The following NPIPB2 variants were observed in gnomAD, a reference collection of about 807,000 sequenced individuals.
The protein encoded by NPIPB2 is nuclear pore complex-interacting protein family member B2.
NPIPB2 carries 27 observed loss-of-function variants against 30.8 expected under a neutral mutation model. That is an observed-to-expected ratio of 0.88 (90% CI 0.65 to 1.21). The LOEUF (loss-of-function observed/expected upper bound fraction) is 1.21, where lower values mean the gene tolerates loss of function less well. Ranked by LOEUF, NPIPB2 falls within the 50% of genes most tolerant of loss-of-function variation. The pLI, the probability that NPIPB2 is intolerant of heterozygous loss-of-function variation, is 0.00. For missense variants in NPIPB2, 440 were observed against 446.2 expected, an observed-to-expected ratio of 0.99 and a Z score of 0.13; for synonymous variants, 147 against 162.0, an observed-to-expected ratio of 0.91 and a Z score of 0.70.
chr16:11,972,272 T>G (rs911247833), intron 1 of NPIPB2, among the ~76,000 whole-genome samples: 1 of 152,188 alleles, frequency 6.6e-6, no homozygotes, highest in Non-Finnish European at 1.5e-5. Flanking sequence ...TGTAAATGTT[T>G]CCTACTAAGG....
chr16:11,962,156 C>T (rs992507688), intron 1 of NPIPB2, among the ~76,000 whole-genome samples: 1 of 147,728 alleles, frequency 6.8e-6, no homozygotes, highest in African/African-American at 2.5e-5. Flanking sequence ...CCTGATGGTG[C>T]CACTGCACTC....
chr16:11,967,242 T>C (rs1339564682), intron 1 of NPIPB2: 3 of 256,524 alleles, frequency 1.2e-5, no homozygotes, highest in Non-Finnish European at 1.5e-5. Flanking sequence ...CCACAAGTGA[T>C]CTGCCCGCCT....
chr16:11,935,675 TA>T (rs879583012), intron 2 of NPIPB2, among the ~76,000 whole-genome samples: 5 of 148,812 alleles, frequency 3.4e-5, no homozygotes, highest in Admixed American at 6.7e-5. Context: ...GCACATAGGA[TA>T]AAAAAAAATC....
At chr16:11,965,773 C>T (rs1387950801) in intron 1 of NPIPB2, among the ~76,000 whole-genome samples, 4 of 152,024 alleles carry the variant, frequency 2.6e-5, no homozygotes, top group Non-Finnish European at 5.9e-5. Context: ...GATTATTTTG[C>T]TATCAAAACA....
chr16:11,975,665 A>T (rs1441401450), intron 1 of NPIPB2, among the ~76,000 whole-genome samples: 1 of 151,336 alleles, frequency 6.6e-6, no homozygotes, highest in East Asian at 2.0e-4. Context: ...ATCTCGGCTC[A>T]CTGAAACCTC....
chr16:11,968,782 C>T (rs1479666305), intron 1 of NPIPB2: 1 of 152,168 alleles, frequency 6.6e-6, no homozygotes. Flanking sequence ...GCTGACATGA[C>T]AATCTTCTCA....
intron 2 of NPIPB2, among the ~76,000 whole-genome samples, chr16:11,935,401 C>T (rs2054852095): frequency 6.6e-6 from 1 of 152,106 alleles, no homozygotes; most frequent in African/African-American, 2.4e-5. Flanking sequence ...GCAACCTCCA[C>T]CTCCCAGATT....
At chr16:11,976,104 G>T (rs1183723027) in intron 1 of NPIPB2, among the ~76,000 whole-genome samples, 1 of 151,702 alleles carries the variant, frequency 6.6e-6, no homozygotes, top group East Asian at 1.9e-4. Context: ...GGCCTGCAAG[G>T]CCCTCCCTCC....
chr16:11,947,184 G>T (rs905069021), intron 1 of NPIPB2, among the ~76,000 whole-genome samples: 3 of 147,216 alleles, frequency 2.0e-5, no homozygotes, highest in African/African-American at 7.4e-5. Flanking sequence ...AAACTCCTGG[G>T]CTCAGGATAT....
At chr16:11,968,890 G>C (rs1354297159) in intron 1 of NPIPB2, 4 of 147,910 alleles carry the variant, frequency 2.7e-5, no homozygotes, top group African/African-American at 1.0e-4. Flanking sequence ...TTTTTGAAAC[G>C]GAGTCCTGCT....
chr16:11,965,477 T>C (rs1271915533), intron 1 of NPIPB2: 2 of 1,612,728 alleles, frequency 1.2e-6, no homozygotes, highest in East Asian at 2.2e-5. Context: ...GCTTGAACGA[T>C]TATTCATTGG....
chr16:11,976,372 C>A (rs1309775496), intron 1 of NPIPB2, among the ~76,000 whole-genome samples: 3 of 152,238 alleles, frequency 2.0e-5, no homozygotes, highest in African/African-American at 7.2e-5. Flanking sequence ...AAGTCGCCTC[C>A]TTAGAGAGGC....
intron 1 of NPIPB2, among the ~76,000 whole-genome samples, chr16:11,947,819 G>C (rs146782153): frequency 4.4e-4 from 66 of 151,694 alleles, no homozygotes; most frequent in Middle Eastern, 6.8e-3. Flanking sequence ...GCACTGACCG[G>C]CTTCGTCCTG....
chr16:11,967,945 G>A (rs1394466129), intron 1 of NPIPB2: 58 of 1,376,126 alleles, frequency 4.2e-5, no homozygotes, highest in African/African-American at 4.4e-5. Flanking sequence ...TTCAGTTGCC[G>A]ATACAGCTTT....
chr16:11,972,643 G>A (rs977563172), intron 1 of NPIPB2, among the ~76,000 whole-genome samples: 1 of 152,062 alleles, frequency 6.6e-6, no homozygotes, highest in African/African-American at 2.4e-5. Flanking sequence ...GGGAGGCTGA[G>A]GCAGGCAGAT....
Position 11,933,727 on chromosome 16 carries a change from G to A in NPIPB2, c.293-15C>T, listed in dbSNP as rs200996054. 9,488 of 1,596,886 alleles carry A rather than the reference G, an allele frequency of 5.9e-3. 43 individuals are homozygous for A. The highest frequency in any genetic ancestry group is 6.8e-3 in the Non-Finnish European group (8,017 of 1,179,210). ...GGACCTCAGCCCTTGGTGAGAGTGA[G>A]GAGAGGAGAAGGTGAGAAACCTGAG... On this transcript the variant is annotated splice_polypyrimidine_tract_variant and intron_variant, in intron 3 of 7. Transcript: ENST00000399147.
Position 11,937,532 on chromosome 16 carries a change from A to C in NPIPB2, c.192+8T>G. The C allele has an allele frequency of 6.5e-7, 1 of 1,532,716 alleles. No individual in the cohort carries two copies. 94.9% of individuals were successfully genotyped at this position (1,532,716 alleles called of 1,614,324 possible). On this transcript the variant is annotated splice_region_variant and intron_variant, in intron 2 of 7. Transcript: ENST00000399147. ...AAGTATACCTCTACAGAAAGTTAGT[A>C]CACTCACCCAAAGGTAAACTGTCCA...
chr16:11,975,959 T>C (rs964089816), intron 1 of NPIPB2, among the ~76,000 whole-genome samples: 3 of 151,826 alleles, frequency 2.0e-5, no homozygotes, highest in African/African-American at 7.3e-5. Context: ...TTTTTTTCTT[T>C]GGTAGAGAAC....
intron 1 of NPIPB2, chr16:11,966,225 C>A (rs11570146): frequency 1.9e-6 from 3 of 1,613,338 alleles, no homozygotes; most frequent in Non-Finnish European, 2.5e-6. Flanking sequence ...GGAACGAATG[C>A]GATTCTCTGG....
Sources: gnomAD v4.1 joint callset for allele counts (sites outside exome capture counted in the v4.1 genomes callset) on GRCh38, gnomAD v4.1.1 for gene constraint, MANE v1.5 for transcripts, NCBI Gene and HGNC (gene_info 2026-07-23, HGNC 2026-07-21) for gene names.